The following TOR1A variants were observed in gnomAD, a reference collection of about 807,000 sequenced individuals.
TOR1A encodes the protein torsin-1A.
A neutral mutation model predicts 31.4 loss-of-function variants in TOR1A; 18 were observed. The ratio of observed to expected loss-of-function variants is 0.57; its 90% confidence interval spans 0.40 to 0.85. The LOEUF (loss-of-function observed/expected upper bound fraction) is 0.85. TOR1A is among the 40% of genes least tolerant of loss of function. The pLI is 0.00. For missense variants in TOR1A, 375 were observed against 416.4 expected, an observed-to-expected ratio of 0.90 and a Z score of 0.87; for synonymous variants, 168 against 165.9, an observed-to-expected ratio of 1.01 and a Z score of -0.10.
intron 4 of TOR1A, among the ~76,000 whole-genome samples, chr9:129,817,838 CAAAAAAAAAAAAA>C (rs760010551): frequency 2.0e-3 from 91 of 45,746 alleles, no homozygotes; most frequent in Admixed American, 5.3e-3. Flanking sequence ...CAGTCTCTAC[CAAAAAAAAAAAAA>C]AAAAAAAAAA....
rs75881350 is a variant in TOR1A at position 129,813,860 on chromosome 9, C to G, written c.*112G>C. 6.7e-4 allele frequency: 986 copies of G among 1,463,208 alleles called. 17 individuals are homozygous for G. In the East Asian group the frequency reaches 0.022, roughly 33 times the overall value. The allele number at this position is 1,463,208 out of a possible 1,614,324, so 90.6% of individuals were successfully genotyped here. A position where few individuals can be genotyped will look rare whatever the true frequency, so the allele number is the denominator to read the frequency against. The stretch of plus-strand genomic sequence containing the variant: ...GAATTCCTGTCACATCAAACAGGAA[C>G]ATTCACTGGATTCCTCTTCCAGGGA... On this transcript the variant is annotated 3_prime_UTR_variant, in exon 5 of 5. Transcript: ENST00000351698.
intron 2 of TOR1A, among the ~76,000 whole-genome samples, chr9:129,820,132 CTTT>C (rs956481254): frequency 1.4e-5 from 2 of 141,732 alleles, no homozygotes; most frequent in Admixed American, 7.1e-5. Flanking sequence ...GTTCATATAA[CTTT>C]TTTTTTTTGA....
In TOR1A at chr9:129,813,847, C is replaced by T; in HGVS notation, c.*125G>A. On this transcript the variant is annotated 3_prime_UTR_variant, in exon 5 of 5. Transcript: ENST00000351698. ...ACAATGCCAGGGAGAATTCCTGTCA[C>T]ATCAAACAGGAACATTCACTGGATT... 1.4e-6 allele frequency: 2 copies of T among 1,405,728 alleles called. No homozygotes were observed. Among genetic ancestry groups the T allele is most frequent in the Non-Finnish European group, 2.0e-6 (2 of 1,011,206 alleles). 87.1% of individuals were successfully genotyped at this position (1,405,728 alleles called of 1,614,324 possible). A position where few individuals can be genotyped will look rare whatever the true frequency, so the allele number is the denominator to read the frequency against.
In TOR1A at chr9:129,813,948, G is replaced by C; in HGVS notation, c.*24C>G. On this transcript the variant is annotated 3_prime_UTR_variant, in exon 5 of 5. Coordinates refer to ENST00000351698, the MANE Select transcript of TOR1A (RefSeq NM_000113.3). ...TGTTTCTTTTCCAACTCCAGGCAGT[G>C]ACTCCGGCTGCCAATCATGACTGTC... 1 of 1,613,100 alleles carries C rather than the reference G, an allele frequency of 6.2e-7. No individual in the cohort carries two copies. Among genetic ancestry groups the C allele is most frequent in the African/African-American group, 1.3e-5 (1 of 75,060 alleles).
At chr9:129,823,831 C>T in intron 1 of TOR1A, 77 bp downstream of exon 1, 1 of 1,510,242 alleles carries the variant, frequency 6.6e-7, no homozygotes, top group Non-Finnish European at 8.9e-7. Context: ...TTCTCCATGC[C>T]CTGGTCCTAG....
chr9:129,818,406 T>TC (rs1389561662), intron 4 of TOR1A, 114 bp downstream of exon 4: 23 of 1,523,296 alleles, frequency 1.5e-5, no homozygotes, highest in Non-Finnish European at 2.0e-5. Context: ...ACTGAGAATC[T>TC]GCATTTCTTT....
chr9:129,815,077 C>G (rs1467617153), intron 4 of TOR1A, among the ~76,000 whole-genome samples: 1 of 152,244 alleles, frequency 6.6e-6, no homozygotes, highest in Non-Finnish European at 1.5e-5. Flanking sequence ...CCCCAGATGA[C>G]ACAGCACACA....
intron 2 of TOR1A, chr9:129,821,701 CTGGCCAATG>C (rs2031188299): frequency 6.6e-6 from 1 of 152,096 alleles, no homozygotes; most frequent in African/African-American, 2.4e-5. Flanking sequence ...CGAGACCAGC[CTGGCCAATG>C]TGAGGAAACC....
chr9:129,823,270 C>T, intron 1 of TOR1A: 1 of 327,960 alleles, frequency 3.0e-6, no homozygotes, highest in Non-Finnish European at 5.9e-6. Context: ...GAGGTTACCA[C>T]TGGTCCACCC....
rs532811664 is a variant in TOR1A, at chr9:129,819,796, G to A, written c.445-876C>T. Among the ~76,000 whole-genome samples the A allele has an allele frequency of 2.0e-5, 3 of 150,040 alleles. No homozygotes were observed. In the East Asian group the frequency reaches 5.9e-4, roughly 30 times the overall value. ...AAATTAGCCAGGCATAGTGGCAGGC[G>A]CCTGTAATCCCAGGTACTTGGGAGG... On this transcript the variant is annotated intron_variant, in intron 2 of 4. Coordinates refer to ENST00000351698, the MANE Select transcript of TOR1A (RefSeq NM_000113.3).
rs1472913993 is a variant in TOR1A, at chr9:129,824,068, G to C, written c.18C>G (p.Ala6=). 1.9e-6 allele frequency: 3 copies of C among 1,593,048 alleles called. No individual in the cohort carries two copies. The highest frequency in any genetic ancestry group is 1.7e-5 in the Admixed American group (1 of 57,920). The stretch of plus-strand genomic sequence containing the variant: ...GCGCCAGCAGCAGCAGGCCCAGCAC[G>C]GCCCGGCCCAGCTTCATGCCCGGAC... The part of the protein sequence containing the change: MKLGR[A]VLGLLLLAPS... Residue 6 remains alanine (A), a synonymous_variant, in exon 1 of 5, where the codon GCC becomes GCG. Transcript: ENST00000351698.
At chr9:129,819,749 T>TC (rs1023513839) in intron 2 of TOR1A, among the ~76,000 whole-genome samples, 5 of 145,414 alleles carry the variant, frequency 3.4e-5, no homozygotes, top group Admixed American at 2.1e-4. Context: ...AGAGCAAGAC[T>TC]CCATTAAAAA....
At chr9:129,822,393 G>T (rs1425018034) in intron 2 of TOR1A, 188 bp downstream of exon 2, 3 of 818,664 alleles carry the variant, frequency 3.7e-6, no homozygotes, top group Non-Finnish European at 6.0e-6. Flanking sequence ...CCACCACAAA[G>T]CTTTGATGGT....
rs757801918 is a variant in TOR1A, at chr9:129,822,605, AT to A, written c.419del (p.His140LeufsTer20). On this transcript the variant is annotated frameshift_variant, in exon 2 of 5. Coordinates refer to ENST00000351698, the MANE Select transcript of TOR1A (RefSeq NM_000113.3). LOFTEE classifies it high-confidence loss of function. ...CCTTGTACAAGGTGATGTTTGAAGC[AT>A]GTGGAAAGTGCAATGTGGCCACAAA... ...HLFVATLHFP[H>X]ASNITLYKDQ... 6.2e-7 allele frequency: 1 copy of A among 1,614,232 alleles called. No individual in the cohort carries two copies. Among genetic ancestry groups the A allele is most frequent in the Non-Finnish European group, 8.5e-7 (1 of 1,180,030 alleles).
intron 2 of TOR1A, chr9:129,821,471 T>C (rs1406922661): frequency 1.3e-5 from 2 of 152,212 alleles, no homozygotes; most frequent in Non-Finnish European, 2.9e-5. Context: ...AGCAACACTT[T>C]GTAAGTCAGA....
At chr9:129,823,885 C>G (rs542432819) in intron 1 of TOR1A, 23 bp downstream of exon 1, 1 of 1,528,508 alleles carries the variant, frequency 6.5e-7, no homozygotes, top group South Asian at 1.2e-5. Context: ...CAGCCCCAGC[C>G]TCCAGCCCCC....
chr9:129,816,432 C>T (rs1050710213), intron 4 of TOR1A, among the ~76,000 whole-genome samples: 3 of 152,224 alleles, frequency 2.0e-5, no homozygotes, highest in African/African-American at 7.2e-5. Context: ...TGCATGTATA[C>T]ACACAAACAC....
intron 4 of TOR1A, among the ~76,000 whole-genome samples, chr9:129,816,539 G>A (rs971837121): frequency 5.3e-5 from 8 of 152,176 alleles, no homozygotes; most frequent in Non-Finnish European, 8.8e-5. Context: ...GAATTTCTGT[G>A]TTTGTTCACT....
chr9:129,815,402 G>A (rs2031010666), intron 4 of TOR1A, among the ~76,000 whole-genome samples: 1 of 152,254 alleles, frequency 6.6e-6, no homozygotes, highest in Admixed American at 6.5e-5. Flanking sequence ...TGGGCCTGGG[G>A]ACACAGCTGA....
Sources: gnomAD v4.1 joint callset for allele counts (sites outside exome capture counted in the v4.1 genomes callset) on GRCh38, gnomAD v4.1.1 for gene constraint, MANE v1.5 for transcripts, NCBI Gene and HGNC (gene_info 2026-07-23, HGNC 2026-07-21) for gene names.